Variants in PRKG1 observed in about 807,000 individuals in gnomAD.
PRKG1 encodes the protein cGMP-dependent protein kinase 1.
PRKG1 carries 35 observed loss-of-function variants against 88.1 expected under a neutral mutation model. The observed-to-expected ratio is 0.40, with a 90% CI of 0.30 to 0.53. PRKG1 has a LOEUF of 0.53. Ranked by LOEUF, PRKG1 falls within the 20% of genes least tolerant of loss-of-function variation. PRKG1 has a pLI of 0.59. For missense variants in PRKG1, 540 were observed against 839.8 expected (o/e 0.64, Z 4.41); for synonymous variants, 303 against 292.5 (o/e 1.04, Z -0.37).
At chr10:51,879,480 AGCCTGAG>A in intron 4 of PRKG1, among the ~76,000 whole-genome samples, 1 of 152,306 alleles carries the variant, frequency 6.6e-6, no homozygotes, top group South Asian at 2.1e-4. Context: ...GTGCTGTAAG[AGCCTGAG>A]GCACAGAAGA....
intron 2 of PRKG1, among the ~76,000 whole-genome samples, chr10:51,370,914 C>G (rs1842692801): frequency 6.6e-6 from 1 of 152,036 alleles, no homozygotes; most frequent in Non-Finnish European, 1.5e-5. Context: ...AGAGTAAAAA[C>G]CAGCTCTACA....
chr10:51,378,352 T>G (rs1354702023), intron 2 of PRKG1, among the ~76,000 whole-genome samples: 2 of 152,148 alleles, frequency 1.3e-5, no homozygotes, highest in Non-Finnish European at 2.9e-5. Context: ...ATAACACAGA[T>G]TGGAAATGGC....
intron 1 of PRKG1, among the ~76,000 whole-genome samples, chr10:51,023,522 A>T (rs547266920): frequency 6.6e-6 from 1 of 152,340 alleles, no homozygotes; most frequent in South Asian, 2.1e-4. Flanking sequence ...AAACTAGAAG[A>T]AATCGTGACC....
chr10:51,456,510 A>G (rs936340677), intron 2 of PRKG1, among the ~76,000 whole-genome samples: 7 of 152,208 alleles, frequency 4.6e-5, no homozygotes, highest in Non-Finnish European at 1.0e-4. Flanking sequence ...ATAGGAAAAA[A>G]AAACACTTTT....
At chr10:51,543,710 G>A (rs1423047945) in intron 3 of PRKG1, among the ~76,000 whole-genome samples, 1 of 152,116 alleles carries the variant, frequency 6.6e-6, no homozygotes, top group Admixed American at 6.6e-5. Flanking sequence ...ATACAGAAAG[G>A]TTATCCTCAG....
At chr10:51,861,743 G>T (rs984000211) in intron 4 of PRKG1, among the ~76,000 whole-genome samples, 4 of 152,200 alleles carry the variant, frequency 2.6e-5, no homozygotes, top group African/African-American at 9.6e-5. Flanking sequence ...AATCATGAAA[G>T]TTTTTACTCA....
chr10:52,133,882 A>G lies in PRKG1; in HGVS notation c.978A>G (p.Val326=). 1 of 1,613,212 alleles carries G rather than the reference A, an allele frequency of 6.2e-7. No homozygotes were observed. The highest frequency in any genetic ancestry group is 8.5e-7 in the Non-Finnish European group (1 of 1,179,378). ...CAAACGTAATTGCTGCAGAAGCTGT[A>G]ACCTGCCTTGTGATTGACAGAGAGT... ...RTANVIAAEA[V]TCLVIDRDSF... is the part of the protein sequence containing the mutation. The change falls in exon 8 of 18, where the codon GTA becomes GTG. Residue 326 remains valine, a synonymous_variant. Coordinates refer to ENST00000373980, the MANE Select transcript of PRKG1 (RefSeq NM_006258.4).
In PRKG1 at chr10:51,852,226, T is replaced by TATATATATATATATATATATAC. The variant is rs1403355117; in HGVS notation, c.698+47539_698+47540insTATATATATATATATATACATA. On this transcript the variant is annotated intron_variant, in intron 4 of 17. Coordinates refer to ENST00000373980, the MANE Select transcript of PRKG1 (RefSeq NM_006258.4). ...AGTTTTATATGTGTATATATATATATATACACACACACACACGTCATATAT... is the reference window on the plus strand; with the variant it reads ...AGTTTTATATGTGTATATATATATATATATATATATATATATATATACATACACACACACACACGTCATATAT... Among the ~76,000 whole-genome samples the TATATATATATATATATATATAC allele has an allele frequency of 5.8e-3, 868 of 149,288 alleles. 11 individuals carry two copies. Among genetic ancestry groups the TATATATATATATATATATATAC allele is most frequent in the African/African-American group, 0.02 (818 of 40,412 alleles).
At chr10:51,562,180 C>T (rs963156053) in intron 3 of PRKG1, among the ~76,000 whole-genome samples, 19 of 150,782 alleles carry the variant, frequency 1.3e-4, no homozygotes, top group African/African-American at 2.7e-4. Context: ...GCTGAGATCA[C>T]GCCACTGCAC....
chr10:51,014,492 G>C (rs752786014), intron 1 of PRKG1, among the ~76,000 whole-genome samples: 2 of 152,086 alleles, frequency 1.3e-5, no homozygotes, highest in Non-Finnish European at 2.9e-5. Context: ...CAAGAGGTAA[G>C]TAATAGGGCT....
At chr10:51,203,225 A>G (rs568315380) in intron 2 of PRKG1, among the ~76,000 whole-genome samples, 2 of 152,214 alleles carry the variant, frequency 1.3e-5, no homozygotes, top group Non-Finnish European at 2.9e-5. Flanking sequence ...TATAAAATGC[A>G]CACACTGAGT....
In PRKG1 at chr10:52,062,527, C is replaced by G. The variant is rs1846261034; in HGVS notation, c.841-10C>G. 6.5e-7 allele frequency: 1 copy of G among 1,545,828 alleles called. No homozygotes were observed. Among genetic ancestry groups the G allele is most frequent in the Admixed American group, 2.1e-5 (1 of 48,526 alleles). On this transcript the variant is annotated splice_polypyrimidine_tract_variant and intron_variant, in intron 6 of 17. Coordinates refer to ENST00000373980, the MANE Select transcript of PRKG1 (RefSeq NM_006258.4). Reference sequence around the variant, plus strand: ...CAGTGGATCTAAACTTTCATTGTTTCTCTTTGCAGGTAAATGTCACTCGTG... The same window carrying G: ...CAGTGGATCTAAACTTTCATTGTTTGTCTTTGCAGGTAAATGTCACTCGTG...
chr10:52,026,125 C>A (rs559715559), intron 5 of PRKG1, among the ~76,000 whole-genome samples: 1 of 151,936 alleles, frequency 6.6e-6, no homozygotes, highest in South Asian at 2.1e-4. Flanking sequence ...ATACAGAAAG[C>A]TAAAAGAGGG....
chr10:51,760,044 C>T (rs527463944), intron 3 of PRKG1, among the ~76,000 whole-genome samples: 2 of 152,192 alleles, frequency 1.3e-5, no homozygotes, highest in South Asian at 4.1e-4. Flanking sequence ...GCCTGGCCAG[C>T]CCATTATATC....
intron 9 of PRKG1, among the ~76,000 whole-genome samples, chr10:52,225,201 T>C (rs935925655): frequency 6.6e-6 from 1 of 152,144 alleles, no homozygotes; most frequent in Non-Finnish European, 1.5e-5. Context: ...TGGTATTGCA[T>C]TGTGGTTTTG....
chr10:52,063,923 G>A (rs1846295937), intron 7 of PRKG1, among the ~76,000 whole-genome samples: 1 of 152,178 alleles, frequency 6.6e-6, no homozygotes, highest in Non-Finnish European at 1.5e-5. Flanking sequence ...GGTTAAGCCT[G>A]GGGCTTTTAT....
intron 7 of PRKG1, among the ~76,000 whole-genome samples, chr10:52,129,868 A>G (rs781363240): frequency 2.0e-5 from 3 of 152,214 alleles, no homozygotes; most frequent in African/African-American, 2.4e-5. Flanking sequence ...AAGGTTATTC[A>G]ACATTTTAAT....
chr10:51,544,301 C>T (rs575261016), intron 3 of PRKG1, among the ~76,000 whole-genome samples: 16 of 149,338 alleles, frequency 1.1e-4, no homozygotes, highest in African/African-American at 3.4e-4. Context: ...TGAGAACATG[C>T]GGTGTTTGGT....
chr10:51,205,148 T>G (rs1352721404), intron 2 of PRKG1, among the ~76,000 whole-genome samples: 1 of 120,380 alleles, frequency 8.3e-6, no homozygotes, highest in Non-Finnish European at 1.7e-5. Context: ...TTTTTTTTTT[T>G]TTTTTTTTTG....
Sources: gnomAD v4.1 joint callset for allele counts (sites outside exome capture counted in the v4.1 genomes callset) on GRCh38, gnomAD v4.1.1 for gene constraint, MANE v1.5 for transcripts, NCBI Gene and HGNC (gene_info 2026-07-23, HGNC 2026-07-21) for gene names.